EPHA7: variants seen among roughly 807,000 people sequenced by gnomAD.
EPHA7 encodes the protein ephrin type-A receptor 7.
Under a neutral mutation model 112.6 loss-of-function variants are expected in EPHA7, and 25 were observed. That is an observed-to-expected ratio of 0.22 (90% CI 0.16 to 0.31). The LOEUF is 0.31. EPHA7 is among the 10% of genes least tolerant of loss of function. The pLI is 1.00. For missense variants in EPHA7, 962 were observed against 1,212.6 expected (o/e 0.79, Z 3.07); for synonymous variants, 437 against 406.5 (o/e 1.07, Z -0.90).
chr6:93,326,629 G>A (rs1349739460), intron 5 of EPHA7, among the ~76,000 whole-genome samples: 1 of 151,460 alleles, frequency 6.6e-6, no homozygotes, highest in Non-Finnish European at 1.5e-5. Flanking sequence ...TAGCAAGTGA[G>A]TTTCCTGCTA....
chr6:93,305,706 TA>T (rs151337929), intron 5 of EPHA7, among the ~76,000 whole-genome samples: 1 of 152,042 alleles, frequency 6.6e-6, no homozygotes, highest in African/African-American at 2.4e-5. Flanking sequence ...ATGAAAACCA[TA>T]AGTAATTAAT....
Position 93,255,831 on chromosome 6 carries a change from A to G in EPHA7, c.2379T>C (p.Thr793=). The G allele has an allele frequency of 1.9e-6, 3 of 1,613,130 alleles. No homozygotes were observed. In the Admixed American group the frequency reaches 5.0e-5, roughly 27 times the overall value. ...GCAGTAAATGACTTTTTCTTACAGT[A>G]GTTGTATAGACAGCTTCTGGATCAT... ...IEDDPEAVYT[T]TGGKIPVRWT... Residue 793 remains threonine (T), a synonymous_variant, in exon 13 of 17, where the codon ACT becomes ACC. Coordinates refer to ENST00000369303, the MANE Select transcript of EPHA7 (RefSeq NM_004440.4).
intron 5 of EPHA7, among the ~76,000 whole-genome samples, chr6:93,319,541 C>T (rs1189772051): frequency 6.6e-6 from 1 of 152,126 alleles, no homozygotes; most frequent in East Asian, 1.9e-4. Context: ...GCCTGGCAGA[C>T]TTCTACTCTT....
At chr6:93,406,618 T>C (rs1441002050) in intron 3 of EPHA7, among the ~76,000 whole-genome samples, 1 of 151,774 alleles carries the variant, frequency 6.6e-6, no homozygotes, top group African/African-American at 2.4e-5. Context: ...AAGAGAAAAA[T>C]AATAATATTT....
chr6:93,277,119 T>C (rs1433880448), intron 5 of EPHA7, among the ~76,000 whole-genome samples: 1 of 152,078 alleles, frequency 6.6e-6, no homozygotes, highest in African/African-American at 2.4e-5. Context: ...ATGGAACGCT[T>C]TTCCTATTGT....
chr6:93,264,776 T>C, intron 7 of EPHA7, 74 bp from the exon 8 acceptor site: 1 of 717,066 alleles, frequency 1.4e-6, no homozygotes, highest in Non-Finnish European at 2.2e-6. Flanking sequence ...AAAATTAGAG[T>C]TATCTTTTCT....
intron 9 of EPHA7, chr6:93,260,384 C>A (rs747914978): frequency 2.9e-6 from 1 of 340,248 alleles, no homozygotes; most frequent in Non-Finnish European, 4.2e-6. Flanking sequence ...AATTCAATTA[C>A]AATAATGTAT....
intron 5 of EPHA7, among the ~76,000 whole-genome samples, chr6:93,316,841 G>A (rs1168665221): frequency 1.3e-5 from 2 of 152,002 alleles, no homozygotes; most frequent in Non-Finnish European, 2.9e-5. Context: ...CTATATGCTT[G>A]GCTTCTAACT....
chr6:93,397,913 G>T (rs1778259248), intron 3 of EPHA7, among the ~76,000 whole-genome samples: 1 of 151,998 alleles, frequency 6.6e-6, no homozygotes, highest in South Asian at 2.1e-4. Flanking sequence ...TGTTTTTCTA[G>T]TCAACTTTAT....
chr6:93,387,190 T>C (rs1409919480), intron 3 of EPHA7, among the ~76,000 whole-genome samples: 2 of 152,114 alleles, frequency 1.3e-5, no homozygotes, highest in Non-Finnish European at 2.9e-5. Context: ...ACTTAGAAAT[T>C]TCTTCTGCCA....
intron 5 of EPHA7, among the ~76,000 whole-genome samples, chr6:93,291,846 T>C (rs1034758924): frequency 1.3e-5 from 2 of 151,932 alleles, no homozygotes; most frequent in South Asian, 2.1e-4. Flanking sequence ...TATTTGTCAG[T>C]TGCTTCCCAA....
chr6:93,394,626 A>G (rs1185509540), intron 3 of EPHA7, among the ~76,000 whole-genome samples: 1 of 151,832 alleles, frequency 6.6e-6, no homozygotes, highest in Non-Finnish European at 1.5e-5. Context: ...TAAGTTTGGT[A>G]GAACAAAAAG....
intron 14 of EPHA7, among the ~76,000 whole-genome samples, chr6:93,253,122 T>G (rs1188731976): frequency 6.6e-6 from 1 of 151,974 alleles, no homozygotes; most frequent in Non-Finnish European, 1.5e-5. Context: ...TGAAACTCCA[T>G]GGAGTGTCTA....
intron 5 of EPHA7, among the ~76,000 whole-genome samples, chr6:93,338,716 G>GA (rs1449518697): frequency 6.6e-6 from 1 of 151,700 alleles, no homozygotes; most frequent in Non-Finnish European, 1.5e-5. Flanking sequence ...AACAGCTACA[G>GA]AGAGTTGATC....
Position 93,414,718 on chromosome 6 carries a change from G to A in EPHA7, c.147C>T (p.Ser49=), listed in dbSNP as rs572695872. The change falls in exon 2 of 17, where the codon TCC becomes TCT. Residue 49 remains serine, a synonymous_variant. Coordinates refer to ENST00000369303, the MANE Select transcript of EPHA7 (RefSeq NM_004440.4). ...AAAAACTTACCCCATTGGGTGGAGA[G>A]GAAATCCACTCCAACTCTGTTTGTT... is the stretch of plus-strand genomic sequence containing the variant. ...KAQQTELEWI[S]SPPNGWEEIS... The A allele has an allele frequency of 2.0e-5, 32 of 1,612,464 alleles. No individual in the cohort carries two copies. In the African/African-American group the frequency reaches 4.1e-4, roughly 21 times the overall value.
At chr6:93,416,126 C>A (rs777261061) in intron 1 of EPHA7, among the ~76,000 whole-genome samples, 43 of 151,940 alleles carry the variant, frequency 2.8e-4, no homozygotes, top group Non-Finnish European at 5.4e-4. Flanking sequence ...ATTTGACTCC[C>A]TTTCAAATGA....
In EPHA7 at chr6:93,374,177, A is replaced by C. The variant is rs149281135; in HGVS notation, c.833-15766T>G. On this transcript the variant is annotated intron_variant, in intron 3 of 16. Transcript: ENST00000369303. ...TATGTAGTGCTAACTCCCTGAAGAG[A>C]GTCATTACAGGTATATTTGCTAAAT... Among the ~76,000 whole-genome samples, 27 of 152,264 alleles carry C rather than the reference A, an allele frequency of 1.8e-4. No individual in the cohort carries two copies. In the East Asian group the frequency reaches 5.2e-3, roughly 29 times the overall value.
chr6:93,255,849 T>A lies in EPHA7; in HGVS notation c.2361A>T (p.Pro787=). ...FGLSRVIEDD[P]EAVYTTTGGK... ...TTACAGTAGTTGTATAGACAGCTTC[T>A]GGATCATCCTCTATAACTCGGGACA... The change falls in exon 13 of 17, where the codon CCA becomes CCT. Residue 787 remains proline, a synonymous_variant. Transcript: ENST00000369303. 6.2e-7 allele frequency: 1 copy of A among 1,614,088 alleles called. No individual in the cohort carries two copies. Among genetic ancestry groups the A allele is most frequent in the Non-Finnish European group, 8.5e-7 (1 of 1,179,952 alleles).
At chr6:93,352,798 A>T (rs1775759446) in intron 5 of EPHA7, among the ~76,000 whole-genome samples, 1 of 152,204 alleles carries the variant, frequency 6.6e-6, no homozygotes, top group African/African-American at 2.4e-5. Flanking sequence ...ACATGGATGA[A>T]GTGGGTGGGC....
Sources: gnomAD v4.1 joint callset for allele counts (sites outside exome capture counted in the v4.1 genomes callset) on GRCh38, gnomAD v4.1.1 for gene constraint, MANE v1.5 for transcripts, NCBI Gene and HGNC (gene_info 2026-07-23, HGNC 2026-07-21) for gene names.